The following KIF1B variants were observed in gnomAD, a reference collection of about 807,000 sequenced individuals.
KIF1B encodes kinesin-like protein KIF1B.
Under a neutral mutation model 241.9 loss-of-function variants are expected in KIF1B, and 76 were observed. The ratio of observed to expected loss-of-function variants is 0.31; its 90% CI spans 0.26 to 0.38. The LOEUF (loss-of-function observed/expected upper bound fraction) is 0.38. Among genes scored for constraint, KIF1B ranks in the 10% least tolerant of loss-of-function variants. The probability of loss-of-function intolerance (pLI) is 1.00; values close to 1 mark genes in which losing one functional copy is unlikely to be tolerated. For missense variants in KIF1B, 1,622 were observed against 2,271.4 expected, an observed-to-expected ratio of 0.71 and a Z score of 5.81; for synonymous variants, 750 against 796.7, an observed-to-expected ratio of 0.94 and a Z score of 0.99.
intron 2 of KIF1B, among the ~76,000 whole-genome samples, chr1:10,252,617 G>A (rs369739390): frequency 6.6e-6 from 1 of 151,826 alleles, no homozygotes; most frequent in Non-Finnish European, 1.5e-5. Flanking sequence ...TCACCATGTT[G>A]CCCAGGCTGG....
chr1:10,300,650 T>TA (rs1650496224), intron 22 of KIF1B, among the ~76,000 whole-genome samples: 1 of 152,172 alleles, frequency 6.6e-6, no homozygotes, highest in South Asian at 2.1e-4. Flanking sequence ...AAAAAAGTGA[T>TA]AGTTGTTGGT....
At position 10,342,123 on chromosome 1, in the gene KIF1B, A is replaced by C. The variant is rs766070713; in HGVS notation, c.3587A>C (p.His1196Pro). ...CCTATTGTATTTGAAGTCTTTGGGC[A>C]TTATCAGCAGCACCCACTTCATCTG... ...TKPIVFEVFG[H>P]YQQHPLHLQG... is the part of the protein sequence containing the mutation. Residue 1196 changes from histidine to proline, a missense_variant, in exon 33 of 49, where the codon CAT (histidine) becomes CCT (proline). Around this residue, in one of 7 missense-constraint regions of KIF1B, gnomAD observed 803 missense variants for 1,112.0 expected, o/e 0.72. Coordinates refer to ENST00000676179, the MANE Select transcript of KIF1B (RefSeq NM_001365951.3). The C allele has an allele frequency of 6.2e-7, 1 of 1,613,892 alleles. No individual in the cohort carries two copies. Among genetic ancestry groups the C allele is most frequent in the Non-Finnish European group, 8.5e-7 (1 of 1,179,752 alleles).
chr1:10,372,661 GAGCT>G (rs1343925868), intron 45 of KIF1B, among the ~76,000 whole-genome samples: 4 of 120,526 alleles, frequency 3.3e-5, no homozygotes, highest in Admixed American at 7.8e-5. Flanking sequence ...TTGGGTGACA[GAGCT>G]GTCACCCAAG....
At chr1:10,259,802 T>A (rs1274936524) in intron 4 of KIF1B, among the ~76,000 whole-genome samples, 1 of 151,620 alleles carries the variant, frequency 6.6e-6, no homozygotes, top group Non-Finnish European at 1.5e-5. Flanking sequence ...GCCCGGCCTT[T>A]AAAATTTTTT....
chr1:10,374,565 A>T lies in KIF1B; in HGVS notation c.5096+100A>T. ...CCTGTGAGGTCTGTACTGTAGTCTGATGCAATCTGTACTGTAGTCTGATGC... is the reference window on the plus strand; with the variant it reads ...CCTGTGAGGTCTGTACTGTAGTCTGTTGCAATCTGTACTGTAGTCTGATGC... On this transcript the variant is annotated intron_variant, in intron 46 of 48. Transcript: ENST00000676179. The surrounding 1 kb of genome is among the most constrained non-coding windows in gnomAD (Gnocchi z 4.3). 2 of 1,355,508 alleles carry T rather than the reference A, an allele frequency of 1.5e-6. No homozygotes were observed. Among genetic ancestry groups the T allele is most frequent in the Non-Finnish European group, 2.1e-6 (2 of 951,474 alleles). The allele number at this position is 1,355,508 out of a possible 1,614,324, so 84.0% of individuals were successfully genotyped here.
chr1:10,240,721 ATTTT>A lies in KIF1B; in HGVS notation c.106+8305_106+8308del, dbSNP rs34449939. On this transcript the variant is annotated intron_variant, in intron 2 of 48. Coordinates refer to ENST00000676179, the MANE Select transcript of KIF1B (RefSeq NM_001365951.3). ...GGATTTAAGAATTTATGGGTAGTTC[ATTTT>A]TTTTTTTTTTTTTTTTTGGTAGAGA... Among the ~76,000 whole-genome samples the A allele has an allele frequency of 2.1e-3, 232 of 110,050 alleles. 5 individuals carry two copies. In the Middle Eastern group the frequency reaches 0.028, roughly 13 times the overall value. 72.2% of individuals were successfully genotyped at this position (110,050 alleles called of 152,430 possible). A position where few individuals can be genotyped will look rare whatever the true frequency, so the allele number is the denominator to read the frequency against.
intron 1 of KIF1B, among the ~76,000 whole-genome samples, chr1:10,217,343 C>CTTTTTTTTTTTTTTTTTTT: frequency 7.6e-6 from 1 of 131,992 alleles, no homozygotes; most frequent in Non-Finnish European, 1.6e-5. Flanking sequence ...CTTTCTTTTT[C>CTTTTTTTTTTTTTTTTTTT]TTTTTTTTTT....
chr1:10,231,294 C>T (rs1646978964), intron 1 of KIF1B, among the ~76,000 whole-genome samples: 1 of 151,626 alleles, frequency 6.6e-6, no homozygotes, highest in Admixed American at 6.6e-5. Context: ...GTGTCTTTGT[C>T]CTTTGCTATT....
intron 23 of KIF1B, 32 bp downstream of exon 23, chr1:10,320,168 A>T: frequency 6.9e-7 from 1 of 1,443,068 alleles, no homozygotes; most frequent in Non-Finnish European, 9.7e-7. Context: ...TTTCCTGTGT[A>T]TATCTTTTTG....
At chr1:10,278,944 T>C (rs1487177520) in intron 13 of KIF1B, 153 bp from the exon 14 acceptor site, 6 of 520,028 alleles carry the variant, frequency 1.2e-5, no homozygotes, top group African/African-American at 1.1e-4. Context: ...AGAGTCCGAG[T>C]TTAGATGAAT....
intron 38 of KIF1B, among the ~76,000 whole-genome samples, chr1:10,355,201 T>C (rs967928985): frequency 6.6e-6 from 1 of 152,226 alleles, no homozygotes; most frequent in African/African-American, 2.4e-5. Flanking sequence ...TTGTAAGTCC[T>C]CTATGGAATT....
At chr1:10,347,624 C>T in intron 35 of KIF1B, 137 bp from the exon 36 acceptor site, 1 of 724,470 alleles carries the variant, frequency 1.4e-6, no homozygotes, top group Non-Finnish European at 2.5e-6. Flanking sequence ...TGAGTAAATG[C>T]AAATGACTGT....
chr1:10,365,021 A>AT lies in KIF1B; in HGVS notation c.4367-79_4367-78insT. 5 of 1,276,100 alleles carry AT rather than the reference A, an allele frequency of 3.9e-6. No individual in the cohort carries two copies. Among genetic ancestry groups the AT allele is most frequent in the Non-Finnish European group, 4.4e-6 (4 of 910,288 alleles). 79.0% of individuals were successfully genotyped at this position (1,276,100 alleles called of 1,614,324 possible). A position where few individuals can be genotyped will look rare whatever the true frequency, so the allele number is the denominator to read the frequency against. ...ACTCCATCTCAAAAAAAAAAAAAAA[A>AT]GAATTATTAATTCGTTTTGACCTAA... On this transcript the variant is annotated intron_variant, in intron 41 of 48. Coordinates refer to ENST00000676179, the MANE Select transcript of KIF1B (RefSeq NM_001365951.3). This position sits in a 1 kb window ranked among gnomAD's most constrained non-coding sequence, Gnocchi z 4.0.
chr1:10,320,569 T>G (rs1651480715), intron 23 of KIF1B, among the ~76,000 whole-genome samples: 1 of 152,228 alleles, frequency 6.6e-6, no homozygotes. Flanking sequence ...CCAGCATTTC[T>G]TAGTTGAGTT....
At chr1:10,342,226 A>T (rs547895599) in intron 33 of KIF1B, 58 bp downstream of exon 33, 11 of 1,049,892 alleles carry the variant, frequency 1.0e-5, no homozygotes, top group Non-Finnish European at 1.4e-5. Flanking sequence ...TAGTTTCTCA[A>T]TTGCTGGAAA....
Position 10,275,497 on chromosome 1 carries a change from A to C in KIF1B, c.952A>C (p.Asn318His). 6.4e-7 allele frequency: 1 copy of C among 1,554,478 alleles called. No homozygotes were observed. ...TGTACTTACTTGGCTCCTTCGAGAA[A>C]ATTTAGGTATGTTGACCACTAGTGA... ...DSVLTWLLRENLGGNSRTAMV... is the reference protein window; with the variant it reads ...DSVLTWLLREHLGGNSRTAMV... Residue 318 changes from asparagine (N) to histidine (H), a missense_variant, in exon 11 of 49, where the codon AAT (asparagine) becomes CAT (histidine). Around this residue, in one of 7 missense-constraint regions of KIF1B, gnomAD observed 201 missense variants for 301.2 expected, o/e 0.67. Coordinates refer to ENST00000676179, the MANE Select transcript of KIF1B (RefSeq NM_001365951.3).
chr1:10,220,133 T>C (rs899302909), intron 1 of KIF1B, among the ~76,000 whole-genome samples: 1 of 137,814 alleles, frequency 7.3e-6, no homozygotes, highest in African/African-American at 2.8e-5. Flanking sequence ...ACCCGGGAGG[T>C]GGAGGTTACG....
chr1:10,341,669 A>G (rs1383800754), intron 32 of KIF1B, among the ~76,000 whole-genome samples: 2 of 152,158 alleles, frequency 1.3e-5, no homozygotes, highest in Non-Finnish European at 1.5e-5. Context: ...GATACTGGAC[A>G]CTCAGCAGCA....
intron 45 of KIF1B, among the ~76,000 whole-genome samples, chr1:10,371,485 T>C (rs1166650981): frequency 6.6e-6 from 1 of 152,258 alleles, no homozygotes; most frequent in Non-Finnish European, 1.5e-5. Flanking sequence ...CAACTCATCA[T>C]GACTGTCTTC....
Sources: allele counts gnomAD v4.1 joint callset (sites outside exome capture counted in the v4.1 genomes callset), GRCh38; gene constraint gnomAD v4.1.1; regional missense constraint gnomAD v4.1.1; non-coding constraint Gnocchi (gnomAD v3.1); transcripts MANE v1.5; gene names NCBI Gene and HGNC (gene_info 2026-07-23, HGNC 2026-07-21).